The following COX10 variants were observed in gnomAD, a reference collection of about 807,000 sequenced individuals.
COX10 encodes the protein cytochrome c oxidase assembly factor heme A:farnesyltransferase COX10.
Under a neutral mutation model 37.3 loss-of-function variants are expected in COX10, and 27 were observed. That is an observed-to-expected ratio of 0.72 (90% CI 0.53 to 1.00). The LOEUF is 1.00. COX10 is among the 50% of genes least tolerant of loss of function. The probability of loss-of-function intolerance (pLI) is 0.00; values close to 1 mark genes in which losing one functional copy is unlikely to be tolerated. For missense variants in COX10, 475 were observed against 563.2 expected, an observed-to-expected ratio of 0.84 and a Z score of 1.59; for synonymous variants, 222 against 229.1, an observed-to-expected ratio of 0.97 and a Z score of 0.28.
At chr17:14,116,958 G>A (rs928133337) in intron 4 of COX10, among the ~76,000 whole-genome samples, 2 of 152,070 alleles carry the variant, frequency 1.3e-5, no homozygotes, top group African/African-American at 2.4e-5. Flanking sequence ...CCTAACTCCT[G>A]TTTCTTCACA....
chr17:14,130,009 CT>C (rs1916428194), intron 4 of COX10, among the ~76,000 whole-genome samples: 1 of 152,132 alleles, frequency 6.6e-6, no homozygotes, highest in African/African-American at 2.4e-5. Flanking sequence ...ATATTCTTTC[CT>C]TTCTTCTCTT....
Position 14,096,023 on chromosome 17 carries a change from G to A in COX10, c.500-6095G>A, listed in dbSNP as rs192545095. Among the ~76,000 whole-genome samples, 327 of 152,298 alleles carry A rather than the reference G, an allele frequency of 2.1e-3. 1 individual carries two copies. The highest frequency in any genetic ancestry group is 3.6e-3 in the Non-Finnish European group (242 of 68,026). On this transcript the variant is annotated intron_variant, in intron 3 of 6. Coordinates refer to ENST00000261643, the MANE Select transcript of COX10 (RefSeq NM_001303.4). Reference sequence around the variant, plus strand: ...TCTGAGAAGTCCAAGGTCCAGGGCCGCCTCTGGTGAGGGTCTTCTTGACAG... The same window carrying A: ...TCTGAGAAGTCCAAGGTCCAGGGCCACCTCTGGTGAGGGTCTTCTTGACAG...
intron 1 of COX10, among the ~76,000 whole-genome samples, chr17:14,070,132 G>T (rs937498806): frequency 6.6e-6 from 1 of 152,082 alleles, no homozygotes; most frequent in Non-Finnish European, 1.5e-5. Context: ...TCAGACTTTT[G>T]TCTCTGTACC....
intron 2 of COX10, among the ~76,000 whole-genome samples, chr17:14,076,296 C>G (rs955859792): frequency 6.6e-6 from 1 of 151,650 alleles, no homozygotes; most frequent in African/African-American, 2.4e-5. Context: ...TAGAGACATT[C>G]CCTATGTTGC....
intron 4 of COX10, among the ~76,000 whole-genome samples, chr17:14,122,362 C>T (rs1302012025): frequency 6.6e-6 from 1 of 152,088 alleles, no homozygotes; most frequent in Admixed American, 6.6e-5. Flanking sequence ...TGTGCTCTGG[C>T]AATCCCCGTC....
chr17:14,156,170 G>C (rs1905035923), intron 4 of COX10, among the ~76,000 whole-genome samples: 1 of 152,042 alleles, frequency 6.6e-6, no homozygotes, highest in Admixed American at 6.6e-5. Context: ...TATTATTTTT[G>C]GTTTGCAGAT....
chr17:14,084,558 C>T (rs930321221), intron 3 of COX10, among the ~76,000 whole-genome samples: 1 of 152,148 alleles, frequency 6.6e-6, no homozygotes, highest in Admixed American at 6.5e-5. Context: ...TGTGTATCAA[C>T]ATGTTTACCC....
chr17:14,095,111 C>T (rs1225822827), intron 3 of COX10, among the ~76,000 whole-genome samples: 1 of 152,204 alleles, frequency 6.6e-6, no homozygotes, highest in African/African-American at 2.4e-5. Flanking sequence ...TGTCGAACAG[C>T]TAGAGCTCTT....
Position 14,102,303 on chromosome 17 carries a change from G to A in COX10, c.624+61G>A, listed in dbSNP as rs1915802392. On this transcript the variant is annotated intron_variant, in intron 4 of 6. Coordinates refer to ENST00000261643, the MANE Select transcript of COX10 (RefSeq NM_001303.4). The stretch of plus-strand genomic sequence containing the variant: ...TCACTTTTTCCTAGATGGCTGTATT[G>A]TCATATTTTTAAATACCTTCCAAAC... The A allele has an allele frequency of 1.7e-5, 27 of 1,601,374 alleles. No individual in the cohort carries two copies. The East Asian group carries it at 5.8e-4, about 35-fold the overall frequency.
chr17:14,191,837 A>G (rs1198880026), intron 5 of COX10, 152 bp from the exon 6 acceptor site: 3 of 771,010 alleles, frequency 3.9e-6, no homozygotes, highest in Non-Finnish European at 4.3e-6. Flanking sequence ...AGTTTGTTTC[A>G]TAAAGAGGAT....
In COX10 at chr17:14,191,452, C is replaced by G. The variant is rs551225711; in HGVS notation, c.696-537C>G. 9.2e-5 allele frequency among the ~76,000 whole-genome samples: 14 copies of G among 152,070 alleles called. 1 individual carries two copies. In the South Asian group the frequency reaches 2.9e-3, roughly 32 times the overall value. The stretch of plus-strand genomic sequence containing the variant: ...GATGGCAGTCAGAGGCACTTCATTG[C>G]TACTCATGATCACTAATTAAGTGAT... On this transcript the variant is annotated intron_variant, in intron 5 of 6. Coordinates refer to ENST00000261643, the MANE Select transcript of COX10 (RefSeq NM_001303.4).
At position 14,207,350 on chromosome 17, in the gene COX10, AG is replaced by A; in HGVS notation, c.*138del. The A allele has an allele frequency of 8.8e-7, 1 of 1,139,596 alleles. No individual in the cohort carries two copies. The highest frequency in any genetic ancestry group is 1.2e-6 in the Non-Finnish European group (1 of 850,850). The allele number at this position is 1,139,596 out of a possible 1,614,324, so 70.6% of individuals were successfully genotyped here. ...ATTCGGTGCTCAGTGATCACTTGAC[AG>A]TTTTTTTTTTTTTTAAATATTACCC... On this transcript the variant is annotated 3_prime_UTR_variant, in exon 7 of 7. Transcript: ENST00000261643.
intron 4 of COX10, among the ~76,000 whole-genome samples, chr17:14,149,164 G>C (rs1904819375): frequency 6.6e-6 from 1 of 151,722 alleles, no homozygotes; most frequent in East Asian, 1.9e-4. Context: ...AGGAGAAAAA[G>C]AAAGATCCAT....
intron 4 of COX10, among the ~76,000 whole-genome samples, chr17:14,142,367 A>G (rs751663421): frequency 6.6e-6 from 1 of 152,234 alleles, no homozygotes; most frequent in African/African-American, 2.4e-5. Flanking sequence ...CGATAAATAC[A>G]TAATCTATTG....
chr17:14,101,469 A>C (rs1305735699), intron 3 of COX10, among the ~76,000 whole-genome samples: 1 of 152,162 alleles, frequency 6.6e-6, no homozygotes, highest in African/African-American at 2.4e-5. Context: ...CAGCTTCTGT[A>C]AACCCCAGGA....
In COX10 at chr17:14,111,180, T is replaced by A. The variant is rs929835268; in HGVS notation, c.624+8938T>A. 4.1e-4 allele frequency among the ~76,000 whole-genome samples: 63 copies of A among 152,132 alleles called. 1 individual carries two copies. Among genetic ancestry groups the A allele is most frequent in the Admixed American group, 4.1e-3 (63 of 15,260 alleles). ...TAAGTGATTAAGTAAATCCTAAAATTCACATTTTCATGACCACCCATTTCT... is the reference window on the plus strand; with the variant it reads ...TAAGTGATTAAGTAAATCCTAAAATACACATTTTCATGACCACCCATTTCT... On this transcript the variant is annotated intron_variant, in intron 4 of 6. Transcript: ENST00000261643.
chr17:14,146,001 C>T (rs923684208), intron 4 of COX10, among the ~76,000 whole-genome samples: 3 of 151,968 alleles, frequency 2.0e-5, no homozygotes, highest in Non-Finnish European at 4.4e-5. Context: ...ATTAGTTTAC[C>T]TAAAGAGGGT....
At chr17:14,179,192 CCTT>C (rs1905779586) in intron 5 of COX10, 1 of 968,778 alleles carries the variant, frequency 1.0e-6, no homozygotes, top group Non-Finnish European at 1.2e-6. Context: ...TTCATGTTCT[CCTT>C]GTTTTCAGAG....
chr17:14,204,603 T>C (rs1906639070), intron 6 of COX10, among the ~76,000 whole-genome samples: 1 of 152,072 alleles, frequency 6.6e-6, no homozygotes, highest in Non-Finnish European at 1.5e-5. Context: ...CCTCACTCCT[T>C]ATCTCCTGAT....
Sources: gnomAD v4.1 joint callset for allele counts (sites outside exome capture counted in the v4.1 genomes callset) on GRCh38, gnomAD v4.1.1 for gene constraint, MANE v1.5 for transcripts, NCBI Gene and HGNC (gene_info 2026-07-23, HGNC 2026-07-21) for gene names.